CTNNBL1: variants seen among roughly 807,000 people sequenced by gnomAD.
CTNNBL1 encodes the protein beta-catenin-like protein 1.
CTNNBL1 carries 31 observed loss-of-function variants against 72.7 expected under a neutral mutation model. The observed-to-expected ratio is 0.43, with a 90% CI of 0.32 to 0.58. CTNNBL1 has a LOEUF of 0.58. Among genes scored for constraint, CTNNBL1 ranks in the 20% least tolerant of loss-of-function variants. The pLI, the probability that CTNNBL1 is intolerant of heterozygous loss-of-function variation, is 0.08. For missense variants in CTNNBL1, 534 were observed against 725.1 expected (o/e 0.74, Z 3.03); for synonymous variants, 240 against 267.3 (o/e 0.90, Z 1.00).
At chr20:37,738,613 T>C (rs1224601106) in intron 3 of CTNNBL1, among the ~76,000 whole-genome samples, 4 of 152,198 alleles carry the variant, frequency 2.6e-5, no homozygotes, top group Non-Finnish European at 2.9e-5. Context: ...TAGTACAGGC[T>C]TTGCACTCAA....
intron 10 of CTNNBL1, among the ~76,000 whole-genome samples, chr20:37,786,926 GT>G (rs2040925456): frequency 6.6e-6 from 1 of 152,080 alleles, no homozygotes; most frequent in Non-Finnish European, 1.5e-5. Context: ...TACTTGGGTA[GT>G]TTTTATAAAT....
At chr20:37,746,415 T>C in intron 3 of CTNNBL1, 53 bp from the exon 4 acceptor site, 2 of 1,589,916 alleles carry the variant, frequency 1.3e-6, no homozygotes, top group African/African-American at 2.7e-5. Context: ...TGTTTGCTCC[T>C]CATTGCTGAT....
At chr20:37,727,270 T>C in intron 1 of CTNNBL1, 2 of 865,312 alleles carry the variant, frequency 2.3e-6, no homozygotes. Flanking sequence ...CCTTCAAAGC[T>C]TTCATGAAGA....
At chr20:37,803,682 G>T (rs1219863116) in intron 11 of CTNNBL1, among the ~76,000 whole-genome samples, 1 of 152,150 alleles carries the variant, frequency 6.6e-6, no homozygotes, top group South Asian at 2.1e-4. Flanking sequence ...TGACAGTTCT[G>T]CTGGAGGCTG....
At chr20:37,771,886 A>T (rs2073527620) in intron 7 of CTNNBL1, among the ~76,000 whole-genome samples, 1 of 152,182 alleles carries the variant, frequency 6.6e-6, no homozygotes, top group Non-Finnish European at 1.5e-5. Context: ...TTAAGACCCA[A>T]GCCTCCAGAA....
chr20:37,818,978 T>C (rs1447414252), intron 11 of CTNNBL1, among the ~76,000 whole-genome samples: 1 of 152,236 alleles, frequency 6.6e-6, no homozygotes, highest in African/African-American at 2.4e-5. Context: ...CTCACCACTA[T>C]TTTAAATTGT....
chr20:37,809,556 T>C (rs2071991115), intron 11 of CTNNBL1, among the ~76,000 whole-genome samples: 1 of 152,180 alleles, frequency 6.6e-6, no homozygotes, highest in Non-Finnish European at 1.5e-5. Context: ...GTCAGACCCT[T>C]CCTCAGCTCC....
chr20:37,805,838 C>T (rs1039905560), intron 11 of CTNNBL1, among the ~76,000 whole-genome samples: 3 of 152,148 alleles, frequency 2.0e-5, no homozygotes, highest in East Asian at 1.9e-4. Flanking sequence ...TGGCCTTGTC[C>T]CCTCTAGATC....
chr20:37,856,902 T>C (rs2072447986), intron 13 of CTNNBL1, among the ~76,000 whole-genome samples: 1 of 152,190 alleles, frequency 6.6e-6, no homozygotes, highest in Non-Finnish European at 1.5e-5. Context: ...ATTCAGTGCT[T>C]AGGGTAGTGT....
At chr20:37,841,953 A>C (rs2072307638) in intron 12 of CTNNBL1, among the ~76,000 whole-genome samples, 1 of 152,202 alleles carries the variant, frequency 6.6e-6, no homozygotes, top group South Asian at 2.1e-4. Flanking sequence ...TGAAAAAAGA[A>C]ATTTCTGTAA....
At chr20:37,747,304 G>T (rs1294742477) in intron 4 of CTNNBL1, among the ~76,000 whole-genome samples, 3 of 148,760 alleles carry the variant, frequency 2.0e-5, no homozygotes, top group African/African-American at 7.5e-5. Flanking sequence ...GAACCTGGGA[G>T]GCAGAGGTTG....
chr20:37,751,833 C>T (rs2073323054), intron 4 of CTNNBL1, among the ~76,000 whole-genome samples: 1 of 152,176 alleles, frequency 6.6e-6, no homozygotes, highest in Non-Finnish European at 1.5e-5. Flanking sequence ...ACAAGACTTA[C>T]ATATTTTGAG....
At chr20:37,718,507 A>G (rs1282860834) in intron 1 of CTNNBL1, among the ~76,000 whole-genome samples, 98 of 108,706 alleles carry the variant, frequency 9.0e-4, no homozygotes, top group East Asian at 1.4e-3. Flanking sequence ...GGCCGGGCAG[A>G]GGGGCTCCTC....
At chr20:37,856,227 C>CA (rs1311463481) in intron 13 of CTNNBL1, among the ~76,000 whole-genome samples, 2 of 146,902 alleles carry the variant, frequency 1.4e-5, no homozygotes, top group South Asian at 2.2e-4. Context: ...GCCTACTAAG[C>CA]AAAAAAATGC....
At chr20:37,731,090 A>G (rs1300914770) in intron 1 of CTNNBL1, among the ~76,000 whole-genome samples, 4 of 152,212 alleles carry the variant, frequency 2.6e-5, no homozygotes, top group Admixed American at 2.6e-4. Flanking sequence ...CAGGCTAATT[A>G]ACAAATCTAT....
chr20:37,761,946 G>A (rs1288198114), intron 5 of CTNNBL1, among the ~76,000 whole-genome samples: 3 of 152,228 alleles, frequency 2.0e-5, no homozygotes, highest in African/African-American at 4.8e-5. Flanking sequence ...CAGCTGGGGC[G>A]AGGGGAGAAA....
chr20:37,806,211 G>C (rs1458452318), intron 11 of CTNNBL1, among the ~76,000 whole-genome samples: 2 of 152,126 alleles, frequency 1.3e-5, no homozygotes, highest in East Asian at 1.9e-4. Flanking sequence ...CTATAGGCAA[G>C]GCCACCCTGT....
chr20:37,767,937 G>A lies in CTNNBL1; in HGVS notation c.659-16G>A, dbSNP rs1270236341. ...AAAGTTGTCCTCCCAAATGACTGGT[G>A]TCTGTCTCCCTTCAGCTATTGTGGA... is the stretch of plus-strand genomic sequence containing the variant. On this transcript the variant is annotated splice_polypyrimidine_tract_variant and intron_variant, in intron 6 of 15. Transcript: ENST00000361383. 6.2e-7 allele frequency: 1 copy of A among 1,610,640 alleles called. No individual in the cohort carries two copies. The highest frequency in any genetic ancestry group is 8.5e-7 in the Non-Finnish European group (1 of 1,176,866).
intron 5 of CTNNBL1, among the ~76,000 whole-genome samples, chr20:37,760,243 TGA>T (rs1271853849): frequency 1.3e-5 from 2 of 152,212 alleles, no homozygotes; most frequent in Non-Finnish European, 2.9e-5. Flanking sequence ...TCTCCAAAGA[TGA>T]CTTTGGACTT....
Sources: gnomAD v4.1 joint callset for allele counts (sites outside exome capture counted in the v4.1 genomes callset) on GRCh38, gnomAD v4.1.1 for gene constraint, MANE v1.5 for transcripts, NCBI Gene and HGNC (gene_info 2026-07-23, HGNC 2026-07-21) for gene names.